The following POLR2F variants were observed in gnomAD, a reference collection of about 807,000 sequenced individuals.
POLR2F encodes the protein DNA-directed RNA polymerases I, II, and III subunit RPABC2.
Under a neutral mutation model 22.7 loss-of-function variants are expected in POLR2F, and 12 were observed. That is an observed-to-expected ratio of 0.53 (90% confidence interval 0.34 to 0.86). POLR2F has a LOEUF of 0.86. Among genes scored for constraint, POLR2F ranks in the 40% least tolerant of loss-of-function variants. POLR2F has a pLI of 0.02. For synonymous variants in POLR2F, 57 were observed against 66.0 expected (o/e 0.86, Z 0.66); for missense variants, 126 against 171.5 (o/e 0.73, Z 1.48).
At chr22:37,958,051 A>T (rs1395699473) in intron 2 of POLR2F, among the ~76,000 whole-genome samples, 1 of 152,116 alleles carries the variant, frequency 6.6e-6, no homozygotes. Context: ...TCTAGGCTAG[A>T]GTACAATGGC....
chr22:38,034,825 AGAG>A (rs2085099468), intron 5 of POLR2F, among the ~76,000 whole-genome samples: 1 of 152,190 alleles, frequency 6.6e-6, no homozygotes, highest in Non-Finnish European at 1.5e-5. Flanking sequence ...AGCAGAGGCC[AGAG>A]GAGAAACCAG....
At chr22:38,003,866 T>C (rs1418473833) in intron 1 of POLR2F, among the ~76,000 whole-genome samples, 1 of 152,194 alleles carries the variant, frequency 6.6e-6, no homozygotes, top group African/African-American at 2.4e-5. Flanking sequence ...CGTGAGCCAC[T>C]GTGCCCAGAA....
At chr22:38,024,089 C>T (rs1439367585) in intron 1 of POLR2F, among the ~76,000 whole-genome samples, 3 of 152,092 alleles carry the variant, frequency 2.0e-5, no homozygotes, top group Admixed American at 6.5e-5. Context: ...GGTGATCCAT[C>T]CACCTTGGCC....
At chr22:37,990,459 C>T (rs1482594215) in intron 1 of POLR2F, among the ~76,000 whole-genome samples, 3 of 152,274 alleles carry the variant, frequency 2.0e-5, no homozygotes, top group African/African-American at 7.2e-5. Flanking sequence ...TGCCATCTGT[C>T]CCCAGCTGCT....
chr22:38,012,983 A>G lies in POLR2F; in HGVS notation c.121-12886A>G, dbSNP rs187693108. On this transcript the variant is annotated intron_variant, in intron 1 of 2. Coordinates refer to the POLR2F transcript ENST00000333418. ...TTCTGTCCATCAGAAGTGAGTCACT[A>G]AGTCCAGTTCTCACTCAAGGAGATG... Among the ~76,000 whole-genome samples the G allele has an allele frequency of 1.1e-3, 169 of 152,268 alleles. 3 individuals are homozygous for G. Among genetic ancestry groups the G allele is most frequent in the African/African-American group, 3.9e-3 (162 of 41,554 alleles).
chr22:38,008,257 A>G (rs2084840521), intron 1 of POLR2F, among the ~76,000 whole-genome samples: 1 of 151,824 alleles, frequency 6.6e-6, no homozygotes, highest in Admixed American at 6.6e-5. Flanking sequence ...CAAAAAATTA[A>G]ACATTAAAAA....
chr22:37,991,279 G>A (rs1932722659), intron 1 of POLR2F, among the ~76,000 whole-genome samples: 1 of 152,186 alleles, frequency 6.6e-6, no homozygotes, highest in East Asian at 1.9e-4. Context: ...CACCATGCCC[G>A]GCTAGTTTTT....
intron 2 of POLR2F, chr22:37,958,516 C>A (rs979697213): frequency 6.6e-6 from 1 of 152,100 alleles, no homozygotes; most frequent in Non-Finnish European, 1.5e-5. Context: ...TCTTTATATA[C>A]CACAGAATTT....
intron 4 of POLR2F, among the ~76,000 whole-genome samples, chr22:37,979,418 G>A (rs558112595): frequency 1.1e-3 from 167 of 152,236 alleles, no homozygotes; most frequent in African/African-American, 3.8e-3. Context: ...CTTTTCTAAT[G>A]CTGCTTGCGG....
Position 37,953,762 on chromosome 22 carries a change from A to C in POLR2F, c.-26A>C, listed in dbSNP as rs764624794. 1 of 1,605,764 alleles carries C rather than the reference A, an allele frequency of 6.2e-7. No individual in the cohort carries two copies. The highest frequency in any genetic ancestry group is 1.1e-5 in the South Asian group (1 of 89,798). ...GGGTCTCCGCGCGGGACCGGGGCGC[A>C]GCGGGGTCGCTGAGGCGAGGGTGTC... is the stretch of plus-strand genomic sequence containing the variant. On this transcript the variant is annotated 5_prime_UTR_variant, in exon 1 of 5. Transcript: ENST00000442738.
chr22:38,018,386 T>A (rs377160858), intron 1 of POLR2F, among the ~76,000 whole-genome samples: 1 of 152,122 alleles, frequency 6.6e-6, no homozygotes. Flanking sequence ...AGAGTAAATA[T>A]TCATTTTTGG....
At chr22:37,960,643 C>T (rs1931596791) in intron 3 of POLR2F, among the ~76,000 whole-genome samples, 1 of 152,044 alleles carries the variant, frequency 6.6e-6, no homozygotes, top group Non-Finnish European at 1.5e-5. Context: ...CCTCATGATC[C>T]GCCCGCCTCG....
downstream of POLR2F, among the ~76,000 whole-genome samples, chr22:38,028,745 GCACA>G (rs1376054512): frequency 3.9e-5 from 6 of 152,184 alleles, no homozygotes; most frequent in African/African-American, 1.2e-4. Flanking sequence ...TCCCGCTCCT[GCACA>G]CACACCCTCT....
At chr22:37,998,780 G>C (rs2084741265) in intron 1 of POLR2F, among the ~76,000 whole-genome samples, 1 of 151,976 alleles carries the variant, frequency 6.6e-6, no homozygotes, top group Admixed American at 6.6e-5. Flanking sequence ...AGTCATCTGG[G>C]GTGTCACTCA....
chr22:38,006,802 C>T (rs901607256), intron 1 of POLR2F, among the ~76,000 whole-genome samples: 1 of 152,190 alleles, frequency 6.6e-6, no homozygotes, highest in African/African-American at 2.4e-5. Context: ...GGGAGCCTGT[C>T]GTCTCCGAGC....
chr22:38,040,386 G>A (rs5756886), intron 5 of POLR2F: 1 of 152,392 alleles, frequency 6.6e-6, no homozygotes, highest in African/African-American at 2.4e-5. Flanking sequence ...GGCTGGAGCA[G>A]AGGGCCTGGC....
upstream of POLR2F, among the ~76,000 whole-genome samples, chr22:37,982,788 C>T (rs907883755): frequency 6.6e-6 from 1 of 152,138 alleles, no homozygotes; most frequent in African/African-American, 2.4e-5. Context: ...AGGGTGGCGT[C>T]AGAAAGTCCC....
At chr22:37,974,128 C>G, downstream of POLR2F, 5 of 1,584,522 alleles carry the variant, frequency 3.2e-6, no homozygotes, top group Non-Finnish European at 4.3e-6. This position sits in a 1 kb window ranked among gnomAD's most constrained non-coding sequence, Gnocchi z 5.4. Context: ...CGTCCCGCTT[C>G]GGGTCTGCCT....
intron 4 of POLR2F, among the ~76,000 whole-genome samples, chr22:37,975,518 T>C (rs183694622): frequency 1.3e-5 from 2 of 152,272 alleles, no homozygotes; most frequent in East Asian, 3.9e-4. Context: ...GAAGAGTATG[T>C]ACACGTGTGT....
Sources: gnomAD v4.1 joint callset for allele counts (sites outside exome capture counted in the v4.1 genomes callset) on GRCh38, gnomAD v4.1.1 for gene constraint, Gnocchi (gnomAD v3.1) non-coding constraint, MANE v1.5 for transcripts, NCBI Gene and HGNC (gene_info 2026-07-23, HGNC 2026-07-21) for gene names.